Variants in KYNU observed in about 807,000 individuals in gnomAD.
KYNU encodes L-kynurenine hydrolase.
A neutral mutation model predicts 59.2 loss-of-function variants in KYNU; 54 were observed. That is an observed-to-expected ratio of 0.91 (90% CI 0.73 to 1.14). The LOEUF is 1.14. Among genes scored for constraint, KYNU ranks in the 50% most tolerant of loss-of-function variants. KYNU has a pLI of 0.00. For synonymous variants in KYNU, 177 were observed against 192.0 expected (o/e 0.92, Z 0.65); for missense variants, 567 against 554.4 (o/e 1.02, Z -0.23).
At chr2:143,039,908 G>T (rs991409913) in intron 12 of KYNU, among the ~76,000 whole-genome samples, 4 of 152,076 alleles carry the variant, frequency 2.6e-5, no homozygotes, top group Non-Finnish European at 5.9e-5. Flanking sequence ...TAGAGGCCTG[G>T]AGAGTTTCTT....
At chr2:142,893,453 A>G (rs1200828923) in intron 2 of KYNU, among the ~76,000 whole-genome samples, 3 of 152,222 alleles carry the variant, frequency 2.0e-5, no homozygotes, top group Non-Finnish European at 4.4e-5. Flanking sequence ...CTTAACTTTA[A>G]CAGCTTCACT....
At chr2:142,969,675 T>C (rs1484589894) in intron 8 of KYNU, among the ~76,000 whole-genome samples, 1 of 152,202 alleles carries the variant, frequency 6.6e-6, no homozygotes. Flanking sequence ...GGATTACAGA[T>C]CTGGGAAAAG....
chr2:142,988,838 G>T (rs1196469859), intron 10 of KYNU: 10 of 1,595,240 alleles, frequency 6.3e-6, no homozygotes, highest in East Asian at 2.2e-5. Flanking sequence ...TACTTCATTT[G>T]CATTAGGAGA....
At chr2:142,947,113 C>A in intron 4 of KYNU, 1 of 1,551,056 alleles carries the variant, frequency 6.4e-7, no homozygotes, top group Non-Finnish European at 8.7e-7. Context: ...TTTCAGCCAC[C>A]CTTACAGACC....
intron 6 of KYNU, among the ~76,000 whole-genome samples, chr2:142,957,014 TA>T (rs1684187715): frequency 6.6e-6 from 1 of 152,108 alleles, no homozygotes; most frequent in Admixed American, 6.5e-5. Flanking sequence ...TAATTAATTT[TA>T]AAAGTACATT....
chr2:142,902,507 G>A (rs1682136224), intron 2 of KYNU, among the ~76,000 whole-genome samples: 2 of 152,204 alleles, frequency 1.3e-5, no homozygotes, highest in African/African-American at 4.8e-5. Context: ...GCAGAAGCCT[G>A]TTATGCCAAG....
chr2:142,990,693 C>A (rs1005690251), intron 10 of KYNU, among the ~76,000 whole-genome samples: 1 of 151,878 alleles, frequency 6.6e-6, no homozygotes, highest in Admixed American at 6.6e-5. Flanking sequence ...TCCTAAAATG[C>A]ACATTTCCCT....
chr2:142,886,898 C>T (rs1234597083), intron 2 of KYNU, among the ~76,000 whole-genome samples: 1 of 152,052 alleles, frequency 6.6e-6, no homozygotes, highest in Non-Finnish European at 1.5e-5. Context: ...CAGCCGGGCG[C>T]GGTGGCTCAC....
chr2:142,953,393 A>AAGGGTTACCC (rs1490021975), intron 4 of KYNU, among the ~76,000 whole-genome samples: 2 of 152,238 alleles, frequency 1.3e-5, no homozygotes, highest in Non-Finnish European at 2.9e-5. Flanking sequence ...TTCCCAGAAT[A>AAGGGTTACCC]AGGGTTACCC....
chr2:142,973,276 T>C (rs1866619), intron 8 of KYNU, among the ~76,000 whole-genome samples: 81,722 of 151,670 alleles, frequency 0.54, 23,854 homozygotes, highest in East Asian at 0.8. Context: ...TATTGAAAAC[T>C]CACAAGTTTT....
At chr2:142,902,386 T>G (rs1682129674) in intron 2 of KYNU, among the ~76,000 whole-genome samples, 1 of 152,216 alleles carries the variant, frequency 6.6e-6, no homozygotes, top group South Asian at 2.1e-4. Context: ...CCTGGAAAGC[T>G]GCTTTTGCTT....
At chr2:142,931,894 G>A (rs1399260296) in intron 4 of KYNU, among the ~76,000 whole-genome samples, 4 of 152,162 alleles carry the variant, frequency 2.6e-5, no homozygotes, top group African/African-American at 4.8e-5. Context: ...AGTACGAAAT[G>A]GGGAATTATA....
chr2:142,998,724 C>CTG (rs1380903733), intron 10 of KYNU, among the ~76,000 whole-genome samples: 1 of 151,986 alleles, frequency 6.6e-6, no homozygotes, highest in Non-Finnish European at 1.5e-5. Context: ...AGAATAGCTT[C>CTG]TGTGACCAGG....
In KYNU at chr2:143,045,330, C is replaced by T. The variant is rs1687149417; in HGVS notation, c.*3158C>T. 6.6e-6 allele frequency: 1 copy of T among 152,046 alleles called. No individual in the cohort carries two copies. The highest frequency in any genetic ancestry group is 6.6e-5 in the Admixed American group (1 of 15,244). 9.4% of individuals were successfully genotyped at this position (152,046 alleles called of 1,614,324 possible). A position where few individuals can be genotyped will look rare whatever the true frequency, so the allele number is the denominator to read the frequency against. ...GGCAATACAGGTTCTTTTTTGGTTC[C>T]ATATGAAATTTAAAGTAGTTTTTTC... On this transcript the variant is annotated 3_prime_UTR_variant, in exon 14 of 14. Coordinates refer to ENST00000264170, the MANE Select transcript of KYNU (RefSeq NM_003937.3).
chr2:142,885,627 T>G, intron 2 of KYNU, 91 bp downstream of exon 2: 1 of 1,149,236 alleles, frequency 8.7e-7, no homozygotes, highest in Non-Finnish European at 1.3e-6. Flanking sequence ...ATCATTGTTG[T>G]ATTACATAAT....
chr2:142,978,511 G>A (rs981900574), intron 8 of KYNU, among the ~76,000 whole-genome samples: 1 of 152,100 alleles, frequency 6.6e-6, no homozygotes, highest in Admixed American at 6.6e-5. Flanking sequence ...AGAAGGTACT[G>A]ATAGTCACCT....
chr2:143,006,683 C>G (rs1043875488), intron 10 of KYNU, among the ~76,000 whole-genome samples: 33 of 151,214 alleles, frequency 2.2e-4, no homozygotes, highest in Non-Finnish European at 3.4e-4. Flanking sequence ...AGAGCAGTGG[C>G]TCTCCCAGCA....
chr2:142,966,271 C>T (rs1209097959), intron 8 of KYNU, among the ~76,000 whole-genome samples: 5 of 152,126 alleles, frequency 3.3e-5, no homozygotes, highest in Admixed American at 1.3e-4. Flanking sequence ...ACTCATGCAT[C>T]GGGCAGGAAT....
At chr2:142,879,290 G>A (rs970656306) in intron 1 of KYNU, among the ~76,000 whole-genome samples, 1 of 152,118 alleles carries the variant, frequency 6.6e-6, no homozygotes, top group Non-Finnish European at 1.5e-5. Context: ...GGTGGAGTAG[G>A]GCAGGGTGCA....
Sources: gnomAD v4.1 joint callset for allele counts (sites outside exome capture counted in the v4.1 genomes callset) on GRCh38, gnomAD v4.1.1 for gene constraint, MANE v1.5 for transcripts, NCBI Gene and HGNC (gene_info 2026-07-23, HGNC 2026-07-21) for gene names.